The following LCMT1 variants were observed in gnomAD, a reference collection of about 807,000 sequenced individuals.
LCMT1 encodes leucine carboxyl methyltransferase 1.
Under a neutral mutation model 47.7 loss-of-function variants are expected in LCMT1, and 32 were observed. That is an observed-to-expected ratio of 0.67 (90% CI 0.51 to 0.90). The LOEUF (loss-of-function observed/expected upper bound fraction) is 0.90, where lower values mean the gene tolerates loss of function less well. Among genes scored for constraint, LCMT1 ranks in the 40% least tolerant of loss-of-function variants. The probability of loss-of-function intolerance (pLI) is 0.00; values close to 1 mark genes in which losing one functional copy is unlikely to be tolerated. For synonymous variants in LCMT1, 152 were observed against 149.7 expected, an observed-to-expected ratio of 1.02 and a Z score of -0.11; for missense variants, 375 against 415.2, an observed-to-expected ratio of 0.90 and a Z score of 0.84.
At chr16:25,134,864 G>T (rs555702507) in intron 3 of LCMT1, among the ~76,000 whole-genome samples, 131 of 152,316 alleles carry the variant, frequency 8.6e-4, no homozygotes, top group East Asian at 9.6e-4. Flanking sequence ...GCCTCCCAAA[G>T]TGCTGAGATT....
chr16:25,167,592 A>G (rs112624441), intron 7 of LCMT1, among the ~76,000 whole-genome samples: 10 of 152,154 alleles, frequency 6.6e-5, no homozygotes, highest in African/African-American at 2.4e-4. Flanking sequence ...GACTGCAGGC[A>G]TCAGCCACCA....
intron 3 of LCMT1, among the ~76,000 whole-genome samples, chr16:25,137,393 C>T (rs1960533722): frequency 6.6e-6 from 1 of 152,082 alleles, no homozygotes; most frequent in Non-Finnish European, 1.5e-5. Flanking sequence ...TGGGCTATAC[C>T]TCTAAGTGTG....
intron 4 of LCMT1, chr16:25,147,996 A>G (rs1008797245): frequency 2.0e-5 from 3 of 152,218 alleles, no homozygotes; most frequent in African/African-American, 7.2e-5. Flanking sequence ...TGCCTGGGGC[A>G]TTGCCCATGA....
intron 2 of LCMT1, among the ~76,000 whole-genome samples, chr16:25,130,122 C>T (rs1478137284): frequency 1.3e-5 from 2 of 151,992 alleles, no homozygotes; most frequent in Non-Finnish European, 2.9e-5. Context: ...GGGCGGACCA[C>T]GAGGTCAGGA....
intron 2 of LCMT1, 139 bp from the exon 3 acceptor site, chr16:25,132,261 CAT>C: frequency 9.8e-7 from 1 of 1,015,914 alleles, no homozygotes; most frequent in Non-Finnish European, 1.4e-6. Flanking sequence ...CTGTTTCTCC[CAT>C]AGAGTCTGCA....
Position 25,127,060 on chromosome 16 carries a change from A to G in LCMT1, c.114-1415A>G, listed in dbSNP as rs74013655. On this transcript the variant is annotated intron_variant, in intron 1 of 10. Coordinates refer to ENST00000399069, the MANE Select transcript of LCMT1 (RefSeq NM_016309.3). ...ATTTTTCATTGCACTTACACCCTCAACACACACTTGAAACAAAAGTAGGCT... is the reference window on the plus strand; with the variant it reads ...ATTTTTCATTGCACTTACACCCTCAGCACACACTTGAAACAAAAGTAGGCT... Among the ~76,000 whole-genome samples the G allele has an allele frequency of 9.7e-3, 1,480 of 152,246 alleles. 33 individuals carry two copies. Among genetic ancestry groups the G allele is most frequent in the African/African-American group, 0.034 (1,398 of 41,552 alleles).
At chr16:25,153,805 T>A (rs1961152048) in intron 5 of LCMT1, among the ~76,000 whole-genome samples, 1 of 151,742 alleles carries the variant, frequency 6.6e-6, no homozygotes, top group African/African-American at 2.4e-5. Context: ...ATACAAAAAT[T>A]AGCTGGGTGT....
chr16:25,120,873 C>T (rs1260255662), intron 1 of LCMT1, among the ~76,000 whole-genome samples: 1 of 150,476 alleles, frequency 6.6e-6, no homozygotes, highest in Non-Finnish European at 1.5e-5. Context: ...CTCAGTGTCC[C>T]GAGTAGCTGG....
At chr16:25,131,945 A>C (rs1180006944) in intron 2 of LCMT1, among the ~76,000 whole-genome samples, 1 of 152,200 alleles carries the variant, frequency 6.6e-6, no homozygotes, top group Admixed American at 6.5e-5. Flanking sequence ...GGTGGAGGTG[A>C]AGGGAACAGG....
intron 1 of LCMT1, among the ~76,000 whole-genome samples, chr16:25,119,590 T>C (rs964396647): frequency 5.9e-5 from 9 of 152,264 alleles, no homozygotes; most frequent in African/African-American, 1.9e-4. Context: ...TGAAATTTCA[T>C]TGTGAAAATT....
chr16:25,154,046 G>A (rs965545668), intron 5 of LCMT1, among the ~76,000 whole-genome samples: 9 of 151,976 alleles, frequency 5.9e-5, no homozygotes, highest in African/African-American at 2.2e-4. Flanking sequence ...GTCTCCCTCT[G>A]TCACCCAGGC....
At chr16:25,175,469 CA>C (rs35504714) in intron 10 of LCMT1, among the ~76,000 whole-genome samples, 214 of 134,798 alleles carry the variant, frequency 1.6e-3, no homozygotes, top group Middle Eastern at 3.8e-3. Context: ...ACTAAAAATA[CA>C]AAAAAAAAAA....
At chr16:25,113,140 CAAAAAAAAAAA>C (rs59940814) in intron 1 of LCMT1, among the ~76,000 whole-genome samples, 1 of 109,058 alleles carries the variant, frequency 9.2e-6, no homozygotes, top group South Asian at 3.3e-4. Context: ...GACTATGTCT[CAAAAAAAAAAA>C]AAAAAAAAAG....
At chr16:25,154,985 C>T (rs754838173) in intron 5 of LCMT1, among the ~76,000 whole-genome samples, 1 of 152,110 alleles carries the variant, frequency 6.6e-6, no homozygotes, top group Non-Finnish European at 1.5e-5. Flanking sequence ...CGAACTGATA[C>T]GTGATCTTAA....
At chr16:25,131,465 A>G (rs1027109698) in intron 2 of LCMT1, among the ~76,000 whole-genome samples, 2 of 152,252 alleles carry the variant, frequency 1.3e-5, no homozygotes, top group African/African-American at 4.8e-5. Flanking sequence ...ATACAATAGA[A>G]ATGATCTAGA....
chr16:25,164,256 G>T (rs1263153091), intron 6 of LCMT1, among the ~76,000 whole-genome samples: 1 of 152,148 alleles, frequency 6.6e-6, no homozygotes, highest in Non-Finnish European at 1.5e-5. Flanking sequence ...AGGGGTAGAA[G>T]AATAAACACC....
At chr16:25,147,415 G>A (rs1960895298) in intron 4 of LCMT1, 1 of 152,220 alleles carries the variant, frequency 6.6e-6, no homozygotes, top group Non-Finnish European at 1.5e-5. Context: ...CTGAGGCTGT[G>A]GAGGTCCGCT....
intron 1 of LCMT1, among the ~76,000 whole-genome samples, chr16:25,123,821 C>A (rs896332057): frequency 3.9e-5 from 6 of 151,944 alleles, no homozygotes; most frequent in Admixed American, 3.3e-4. Context: ...GTTGGCCAGG[C>A]TGGTCTCGAA....
intron 6 of LCMT1, among the ~76,000 whole-genome samples, chr16:25,164,190 A>G (rs1436133601): frequency 1.3e-5 from 2 of 152,082 alleles, no homozygotes; most frequent in African/African-American, 4.8e-5. Context: ...TGCTTGCATC[A>G]TGTTTGCTAC....
Sources: gnomAD v4.1 joint callset for allele counts (sites outside exome capture counted in the v4.1 genomes callset) on GRCh38, gnomAD v4.1.1 for gene constraint, MANE v1.5 for transcripts, NCBI Gene and HGNC (gene_info 2026-07-23, HGNC 2026-07-21) for gene names.